The following PRDM16 variants were observed in gnomAD, a reference collection of about 807,000 sequenced individuals.
PRDM16 encodes the protein histone-lysine N-methyltransferase PRDM16.
PRDM16 carries 23 observed loss-of-function variants against 110.6 expected under a neutral mutation model. The observed-to-expected ratio is 0.21, with a 90% CI of 0.15 to 0.29. The LOEUF (loss-of-function observed/expected upper bound fraction) is 0.29. PRDM16 is among the 10% of genes least tolerant of loss of function. The pLI is 1.00. For missense variants in PRDM16, 1,615 were observed against 1,794.3 expected (o/e 0.90, Z 1.81); for synonymous variants, 799 against 781.8 (o/e 1.02, Z -0.37).
chr1:3,107,699 T>A (rs1311563172), intron 1 of PRDM16, among the ~76,000 whole-genome samples: 1 of 152,194 alleles, frequency 6.6e-6, no homozygotes, highest in Admixed American at 6.5e-5. Flanking sequence ...ACTGGACCAG[T>A]GACTCGAAAC....
At chr1:3,320,310 G>A (rs1374450546) in intron 3 of PRDM16, among the ~76,000 whole-genome samples, 2 of 152,208 alleles carry the variant, frequency 1.3e-5, no homozygotes, top group Non-Finnish European at 2.9e-5. Flanking sequence ...CAACTCAAGA[G>A]TAGATGTGTG....
chr1:3,140,577 A>G (rs2817181), intron 1 of PRDM16, among the ~76,000 whole-genome samples: 151,996 of 152,360 alleles, frequency 1, 75,817 homozygotes, highest in Middle Eastern at 1. Flanking sequence ...CTAACTCAGG[A>G]GCAATTCATT....
In PRDM16 at chr1:3,075,733, C is replaced by T. The variant is rs567617645; in HGVS notation, c.37+6437C>T. 2.0e-5 allele frequency among the ~76,000 whole-genome samples: 3 copies of T among 152,404 alleles called. No homozygotes were observed. In the South Asian group the frequency reaches 6.2e-4, roughly 32 times the overall value. On this transcript the variant is annotated intron_variant, in intron 1 of 16. Coordinates refer to ENST00000270722, the MANE Select transcript of PRDM16 (RefSeq NM_022114.4). ...GCTGATGGCGGTGCCGTTTCCGAAC[C>T]TGCACACGCACCTCTCAGAGTGGAG...
At chr1:3,238,828 G>A (rs772767860) in intron 2 of PRDM16, among the ~76,000 whole-genome samples, 6 of 152,238 alleles carry the variant, frequency 3.9e-5, no homozygotes, top group Non-Finnish European at 8.8e-5. Flanking sequence ...GCACACTCCT[G>A]GAGTCAGGAG....
At chr1:3,152,594 CTATG>C (rs1643797027) in intron 1 of PRDM16, among the ~76,000 whole-genome samples, 1 of 152,250 alleles carries the variant, frequency 6.6e-6, no homozygotes, top group Admixed American at 6.5e-5. Flanking sequence ...GTGCTGCCTC[CTATG>C]GCAGGGAGCA....
At chr1:3,216,599 T>A (rs1253378413) in intron 2 of PRDM16, among the ~76,000 whole-genome samples, 1 of 152,188 alleles carries the variant, frequency 6.6e-6, no homozygotes. Context: ...TGACCTGCCA[T>A]AGAAGGCTGA....
At chr1:3,285,515 G>T (rs1196311394) in intron 3 of PRDM16, among the ~76,000 whole-genome samples, 1 of 152,166 alleles carries the variant, frequency 6.6e-6, no homozygotes, top group African/African-American at 2.4e-5. Flanking sequence ...CCTGGGAGCA[G>T]GCATGCTCCC....
intron 2 of PRDM16, among the ~76,000 whole-genome samples, chr1:3,228,978 C>G (rs1353975449): frequency 1.3e-5 from 2 of 152,234 alleles, no homozygotes; most frequent in African/African-American, 4.8e-5. Flanking sequence ...TCTCCCAGCC[C>G]TAAGAATAAA....
rs1043800599 is a variant in PRDM16 at position 3,293,156 on chromosome 1, G to A, written c.438+49019G>A. Among the ~76,000 whole-genome samples, 5 of 152,338 alleles carry A rather than the reference G, an allele frequency of 3.3e-5. No individual in the cohort carries two copies. In the East Asian group the frequency reaches 7.7e-4, roughly 24 times the overall value. ...CTTGGCCGGGGCTCAGACACGTGTT[G>A]AGTGAAAAACTGCACATTTGGGCAG... is the stretch of plus-strand genomic sequence containing the variant. On this transcript the variant is annotated intron_variant, in intron 3 of 16. Transcript: ENST00000270722.
chr1:3,078,632 A>C (rs1396415350), intron 1 of PRDM16, among the ~76,000 whole-genome samples: 1 of 152,174 alleles, frequency 6.6e-6, no homozygotes, highest in Non-Finnish European at 1.5e-5. Context: ...CTCTCTTTTT[A>C]ATTCGGTAGT....
rs372711563 is a variant in PRDM16 at position 3,405,471 on chromosome 1, C to T, written c.1033-24C>T. On this transcript the variant is annotated intron_variant, in intron 7 of 16. Transcript: ENST00000270722. ...AAGGCGGGTGTCCAGGCAGGGCACG[C>T]GCCAACGGCATCCGTCTCCCCAGGT... 83 of 1,541,978 alleles carry T rather than the reference C, an allele frequency of 5.4e-5. 1 individual carries two copies. The highest frequency in any genetic ancestry group is 2.7e-4 in the Admixed American group (14 of 51,942).
At chr1:3,073,482 G>A (rs547030117) in intron 1 of PRDM16, among the ~76,000 whole-genome samples, 1 of 152,354 alleles carries the variant, frequency 6.6e-6, no homozygotes, top group African/African-American at 2.4e-5. Flanking sequence ...AACGAGTCTT[G>A]GAAGCTGCAG....
In PRDM16 at chr1:3,353,539, G is replaced by A. The variant is rs1642535785; in HGVS notation, c.439-31613G>A. ...AAGGGTGGCTCCCTCGGGCCACCCC[G>A]TTACACTCCAGCCAAGTACTGGGGG... On this transcript the variant is annotated intron_variant, in intron 3 of 16. Transcript: ENST00000270722. This position sits in a 1 kb window ranked among gnomAD's most constrained non-coding sequence, Gnocchi z 5.4. 1.3e-5 allele frequency among the ~76,000 whole-genome samples: 2 copies of A among 152,194 alleles called. No homozygotes were observed. The highest frequency in any genetic ancestry group is 2.4e-5 in the African/African-American group (1 of 41,452).
chr1:3,236,103 C>A (rs1330963851), intron 2 of PRDM16, among the ~76,000 whole-genome samples: 1 of 152,128 alleles, frequency 6.6e-6, no homozygotes, highest in Non-Finnish European at 1.5e-5. Flanking sequence ...CCTCCCCAGA[C>A]AACTGCAGCC....
At chr1:3,180,948 A>G (rs1433384089) in intron 1 of PRDM16, among the ~76,000 whole-genome samples, 1 of 126,014 alleles carries the variant, frequency 7.9e-6, no homozygotes, top group East Asian at 3.1e-4. Context: ...ACGCAGCCTT[A>G]CACACGCAGT....
intron 3 of PRDM16, among the ~76,000 whole-genome samples, chr1:3,377,180 C>T (rs1643006599): frequency 1.3e-5 from 2 of 152,232 alleles, no homozygotes; most frequent in Admixed American, 6.5e-5. Context: ...AGACCCTCTC[C>T]CCCGGCTCCC....
intron 8 of PRDM16, among the ~76,000 whole-genome samples, chr1:3,410,487 T>C (rs1260928516): frequency 6.6e-6 from 1 of 152,176 alleles, no homozygotes; most frequent in Non-Finnish European, 1.5e-5. Context: ...CTCCTATCCA[T>C]GTCCACCTCC....
At chr1:3,136,610 C>T (rs1412641788) in intron 1 of PRDM16, among the ~76,000 whole-genome samples, 1 of 152,180 alleles carries the variant, frequency 6.6e-6, no homozygotes, top group African/African-American at 2.4e-5. Flanking sequence ...CCCTTGCTTT[C>T]TGGGGCCACA....
chr1:3,338,837 T>C (rs1301466002), intron 3 of PRDM16, among the ~76,000 whole-genome samples: 1 of 152,202 alleles, frequency 6.6e-6, no homozygotes. Context: ...CCTGTTTTCT[T>C]TGGAGCTGAC....
Sources: gnomAD v4.1 joint callset for allele counts (sites outside exome capture counted in the v4.1 genomes callset) on GRCh38, gnomAD v4.1.1 for gene constraint, Gnocchi (gnomAD v3.1) non-coding constraint, MANE v1.5 for transcripts, NCBI Gene and HGNC (gene_info 2026-07-23, HGNC 2026-07-21) for gene names.